The following NPM2 variants were observed in gnomAD, a reference collection of about 807,000 sequenced individuals.
NPM2 encodes nucleophosmin/nucleoplasmin 2, also known as nucleoplasmin-2.
A neutral mutation model predicts 32.0 loss-of-function variants in NPM2; 25 were observed. The ratio of observed to expected loss-of-function variants is 0.78; its 90% CI spans 0.57 to 1.09. The LOEUF (loss-of-function observed/expected upper bound fraction) is 1.09, where lower values mean the gene tolerates loss of function less well. Among genes scored for constraint, NPM2 ranks in the 50% least tolerant of loss-of-function variants. The pLI is 0.00. For synonymous variants in NPM2, 111 were observed against 94.2 expected (o/e 1.18, Z -1.04); for missense variants, 282 against 259.9 (o/e 1.08, Z -0.58).
chr8:22,033,336 C>T, intron 6 of NPM2, 113 bp downstream of exon 6: 8 of 866,398 alleles, frequency 9.2e-6, no homozygotes, highest in Non-Finnish European at 1.5e-5. Flanking sequence ...AAGAAAATCC[C>T]CAAAGGCAAC....
intron 5 of NPM2, among the ~76,000 whole-genome samples, chr8:22,026,132 A>G (rs756284272): frequency 2.8e-4 from 42 of 152,132 alleles, no homozygotes; most frequent in Non-Finnish European, 4.6e-4. Context: ...TTAGATTCTC[A>G]GAGGAGCATG....
intron 8 of NPM2, 67 bp downstream of exon 8, chr8:22,034,611 C>A: frequency 7.5e-7 from 1 of 1,331,490 alleles, no homozygotes; most frequent in Non-Finnish European, 1.1e-6. Context: ...AGAAAGAATA[C>A]TGTGCTGTTG....
chr8:22,033,162 A>G lies in NPM2; in HGVS notation c.303A>G (p.Pro101=), dbSNP rs139578392. 59 of 1,613,780 alleles carry G rather than the reference A, an allele frequency of 3.7e-5. No individual in the cohort carries two copies. The African/African-American group carries it at 6.9e-4, about 19-fold the overall frequency. ...VSMVGVQLSP[P]VTFQLRAGSG... ...TGGTAGGAGTGCAGCTTTCTCCCCCAGTTACTTTCCAGCTCCGGGCTGGCT... is the reference window on the plus strand; with the variant it reads ...TGGTAGGAGTGCAGCTTTCTCCCCCGGTTACTTTCCAGCTCCGGGCTGGCT... The change falls in exon 6 of 10, where the codon CCA becomes CCG. Residue 101 remains proline, a synonymous_variant. Coordinates refer to ENST00000518119, the MANE Select transcript of NPM2 (RefSeq NM_001286680.2).
At chr8:22,026,457 T>TTTTTTC (rs1363993643) in intron 5 of NPM2, among the ~76,000 whole-genome samples, 1 of 147,472 alleles carries the variant, frequency 6.8e-6, no homozygotes, top group African/African-American at 2.5e-5. Flanking sequence ...TTCTTGCCTT[T>TTTTTTC]TTTTTTTTTT....
chr8:22,028,341 A>ATT (rs36012479), intron 5 of NPM2, among the ~76,000 whole-genome samples: 19 of 65,588 alleles, frequency 2.9e-4, no homozygotes, highest in South Asian at 7.8e-4. Flanking sequence ...TGCCAAAAAG[A>ATT]TTTTTTTTTT....
chr8:22,028,770 C>T (rs1057330237), intron 5 of NPM2, among the ~76,000 whole-genome samples: 5 of 152,158 alleles, frequency 3.3e-5, no homozygotes, highest in African/African-American at 4.8e-5. Flanking sequence ...CCTCAGCAAC[C>T]TCTCTGTTTC....
chr8:22,036,868 C>G lies in NPM2; in HGVS notation c.*186C>G, dbSNP rs1010940845. ...AGGCCCCCAGTGAAGAGCCCCACCT[C>G]GGGGTCACAATAAAGTTGCCTGGTC... On this transcript the variant is annotated 3_prime_UTR_variant, in exon 10 of 10. Transcript: ENST00000518119. 3.2e-5 allele frequency: 19 copies of G among 596,512 alleles called. No individual in the cohort carries two copies. The highest frequency in any genetic ancestry group is 4.9e-5 in the Non-Finnish European group (17 of 350,318). 37.0% of individuals were successfully genotyped at this position (596,512 alleles called of 1,614,324 possible).
At chr8:22,030,791 G>T (rs28416051) in intron 5 of NPM2, among the ~76,000 whole-genome samples, 20,938 of 151,866 alleles carry the variant, frequency 0.14, 1,585 homozygotes, top group South Asian at 0.21. Context: ...GCGATCTTCC[G>T]GCCTCAGCCC....
chr8:22,029,146 T>G (rs1800353583), intron 5 of NPM2, among the ~76,000 whole-genome samples: 1 of 152,174 alleles, frequency 6.6e-6, no homozygotes, highest in Admixed American at 6.6e-5. Context: ...CCTTTTTTTA[T>G]TTTTTTATTT....
In NPM2 at chr8:22,025,673, G is replaced by A. The variant is rs776393062; in HGVS notation, c.171G>A (p.Glu57=). ...TTTGCTTGGGGGAGAAAGCCAAAGA[G>A]GAGATGCATCGCGTGGAGATCCTGC... is the stretch of plus-strand genomic sequence containing the variant. ...HTICLGEKAK[E]EMHRVEILPP... The change falls in exon 5 of 10, where the codon GAG becomes GAA. Residue 57 remains glutamate (E), a synonymous_variant. Coordinates refer to ENST00000518119, the MANE Select transcript of NPM2 (RefSeq NM_001286680.2). 1 of 1,614,196 alleles carries A rather than the reference G, an allele frequency of 6.2e-7. No homozygotes were observed. The highest frequency in any genetic ancestry group is 8.5e-7 in the Non-Finnish European group (1 of 1,180,022).
chr8:22,025,365 T>A, intron 3 of NPM2, 59 bp downstream of exon 3: 2 of 1,601,116 alleles, frequency 1.2e-6, no homozygotes, highest in Non-Finnish European at 1.7e-6. Context: ...GCGCGGCAGC[T>A]TGGGGCGCAG....
chr8:22,033,273 G>A (rs765404728), intron 6 of NPM2, 50 bp downstream of exon 6: 8 of 1,402,300 alleles, frequency 5.7e-6, no homozygotes, highest in Non-Finnish European at 8.1e-6. Flanking sequence ...GTGCTAGGCA[G>A]GGGCTCGGGA....
At chr8:22,030,471 T>C (rs1800401383) in intron 5 of NPM2, among the ~76,000 whole-genome samples, 3 of 151,958 alleles carry the variant, frequency 2.0e-5, no homozygotes, top group Admixed American at 2.0e-4. Flanking sequence ...AATTTCTGAC[T>C]TCAAGCACTC....
chr8:22,036,606 C>G, intron 9 of NPM2, 32 bp from the exon 10 acceptor site: 1 of 1,554,038 alleles, frequency 6.4e-7, no homozygotes, highest in Non-Finnish European at 8.7e-7. Context: ...GAGAAGGGAA[C>G]GGGACCCTGG....
At chr8:22,036,315 T>C (rs1800618019) in intron 8 of NPM2, 178 bp from the exon 9 acceptor site, 2 of 580,806 alleles carry the variant, frequency 3.4e-6, no homozygotes, top group South Asian at 2.3e-5. Context: ...GGAAAACACA[T>C]ATGCGTATGC....
At chr8:22,025,942 C>A (rs540605815) in intron 5 of NPM2, among the ~76,000 whole-genome samples, 170 bp downstream of exon 5, 2 of 152,254 alleles carry the variant, frequency 1.3e-5, no homozygotes, top group African/African-American at 4.8e-5. Context: ...CTTCCTAGAG[C>A]TGTGTGACCT....
chr8:22,028,262 G>T (rs1479845468), intron 5 of NPM2, among the ~76,000 whole-genome samples: 5 of 151,396 alleles, frequency 3.3e-5, no homozygotes, highest in African/African-American at 1.2e-4. Flanking sequence ...GAGACCATAT[G>T]GTTTGCAAAC....
rs781406892 is a variant in NPM2, at chr8:22,034,557, A to G, written c.566+13A>G. 6.2e-7 allele frequency: 1 copy of G among 1,603,828 alleles called. No individual in the cohort carries two copies. Among genetic ancestry groups the G allele is most frequent in the Admixed American group, 1.7e-5 (1 of 59,264 alleles). On this transcript the variant is annotated intron_variant, in intron 8 of 9. Coordinates refer to ENST00000518119, the MANE Select transcript of NPM2 (RefSeq NM_001286680.2). ...AAGAGGAAATAAGGTAACTCTTTCTACCTATTAAATTAGCCAAAGTCTCCA... is the reference window on the plus strand; with the variant it reads ...AAGAGGAAATAAGGTAACTCTTTCTGCCTATTAAATTAGCCAAAGTCTCCA...
chr8:22,036,455 C>A (rs781759645), intron 8 of NPM2, 38 bp from the exon 9 acceptor site: 53 of 1,591,672 alleles, frequency 3.3e-5, no homozygotes, highest in Non-Finnish European at 4.5e-5. Context: ...CTCTCCCTGA[C>A]CCCAATCCCA....
Sources: allele counts gnomAD v4.1 joint callset (sites outside exome capture counted in the v4.1 genomes callset), GRCh38; gene constraint gnomAD v4.1.1; transcripts MANE v1.5; gene names NCBI Gene and HGNC (gene_info 2026-07-23, HGNC 2026-07-21).